The following BCAS3 variants were observed in gnomAD, a reference collection of about 807,000 sequenced individuals.
The protein encoded by BCAS3 is BCAS4/BCAS3 fusion.
A neutral mutation model predicts 116.1 loss-of-function variants in BCAS3; 53 were observed. The observed-to-expected ratio is 0.46, with a 90% CI of 0.37 to 0.57. The LOEUF (loss-of-function observed/expected upper bound fraction) is 0.57. Ranked by LOEUF, BCAS3 falls within the 20% of genes least tolerant of loss-of-function variation. The pLI, the probability that BCAS3 is intolerant of heterozygous loss-of-function variation, is 0.00. For missense variants in BCAS3, 917 were observed against 1,165.4 expected (o/e 0.79, Z 3.10); for synonymous variants, 391 against 408.2 (o/e 0.96, Z 0.51).
At chr17:61,137,483 CTG>C (rs2076705022) in intron 22 of BCAS3, among the ~76,000 whole-genome samples, 1 of 152,204 alleles carries the variant, frequency 6.6e-6, no homozygotes, top group African/African-American at 2.4e-5. Flanking sequence ...ATGCTAAAAA[CTG>C]GGGCCAGGCG....
chr17:61,079,831 A>G (rs1018445477), intron 21 of BCAS3, among the ~76,000 whole-genome samples: 24 of 147,302 alleles, frequency 1.6e-4, no homozygotes, highest in Non-Finnish European at 1.0e-4. Flanking sequence ...CCTTACCTCA[A>G]GTGATCCTCC....
chr17:60,983,144 G>T (rs943970099), intron 14 of BCAS3, among the ~76,000 whole-genome samples: 3 of 152,086 alleles, frequency 2.0e-5, no homozygotes, highest in African/African-American at 7.2e-5. Context: ...TCTGTACATG[G>T]TAAATGTTAT....
At chr17:60,761,199 C>A (rs1244549242) in intron 6 of BCAS3, among the ~76,000 whole-genome samples, 1 of 151,678 alleles carries the variant, frequency 6.6e-6, no homozygotes, top group East Asian at 1.9e-4. Flanking sequence ...TGAATTATTT[C>A]TCTGGGATTT....
rs1441951651 is a variant in BCAS3 at position 60,974,988 on chromosome 17, TTTGCTTTTTTG to T, written c.1222-14980_1222-14970del. Among the ~76,000 whole-genome samples, 514 of 138,396 alleles carry T rather than the reference TTTGCTTTTTTG, an allele frequency of 3.7e-3. 20 individuals are homozygous for T. The highest frequency in any genetic ancestry group is 0.017 in the African/African-American group (497 of 28,444). The allele number at this position is 138,396 out of a possible 152,430, so 90.8% of individuals were successfully genotyped here. On this transcript the variant is annotated intron_variant, in intron 14 of 23. Transcript: ENST00000407086. ...CAAGCCATTTGTTTTTTTTGTTTTT[TTTGCTTTTTTG>T]TTTTTTTTTTTTTGAGACGGAGTCT...
intron 12 of BCAS3, 55 bp from the exon 13 acceptor site, chr17:60,924,352 C>G (rs1444150738): frequency 6.7e-7 from 1 of 1,495,460 alleles, no homozygotes; most frequent in African/African-American, 1.4e-5. Context: ...AGGCTTCAAG[C>G]TCGGTTATCA....
At chr17:61,058,754 G>C (rs556360837) in intron 19 of BCAS3, among the ~76,000 whole-genome samples, 4 of 152,234 alleles carry the variant, frequency 2.6e-5, no homozygotes, top group Non-Finnish European at 5.9e-5. Flanking sequence ...ATACATAACT[G>C]TTTATTATGA....
chr17:60,881,746 T>C lies in BCAS3; in HGVS notation c.661+7008T>C, dbSNP rs1209205715. On this transcript the variant is annotated intron_variant, in intron 9 of 23. Transcript: ENST00000407086. ...GAGAATGATGATTTCCAATTTCATC[T>C]ATGTCCCTACAAAGGACATGAACTC... Among the ~76,000 whole-genome samples the C allele has an allele frequency of 7.9e-4, 120 of 151,160 alleles. 1 individual carries two copies. The highest frequency in any genetic ancestry group is 2.7e-3 in the African/African-American group (111 of 40,988).
rs1348401890 is a variant in BCAS3 at position 61,368,452 on chromosome 17, A to T, written c.2551A>T (p.Met851Leu). The change falls in exon 23 of 24, where the codon ATG becomes TTG. Residue 851 changes from methionine to leucine, a missense_variant. Coordinates refer to ENST00000407086, the MANE Select transcript of BCAS3 (RefSeq NM_017679.5). This position sits in a 1 kb window ranked among gnomAD's most constrained non-coding sequence, Gnocchi z 6.0. ...EGLRERLADA[M>L]AESPSRDVVG... ...CCTCCGGGAGCGACTTGCCGACGCC[A>T]TGGCCGAGTCACCTAGCCGGGACGT... 2 of 1,611,652 alleles carry T rather than the reference A, an allele frequency of 1.2e-6. No individual in the cohort carries two copies. Among genetic ancestry groups the T allele is most frequent in the Non-Finnish European group, 1.7e-6 (2 of 1,178,058 alleles).
intron 22 of BCAS3, among the ~76,000 whole-genome samples, chr17:61,246,472 A>G (rs978980624): frequency 1.6e-3 from 145 of 92,480 alleles, no homozygotes; most frequent in Non-Finnish European, 2.1e-3. Flanking sequence ...ACTGTCTCAG[A>G]AAAAAAAAAA....
At chr17:60,683,181 G>T (rs912315942) in intron 2 of BCAS3, among the ~76,000 whole-genome samples, 15 of 152,132 alleles carry the variant, frequency 9.9e-5, no homozygotes, top group Admixed American at 2.6e-4. Flanking sequence ...AATGTAGACT[G>T]ACCTGCTATA....
rs988190007 is a variant in BCAS3 at position 61,065,410 on chromosome 17, G to A, written c.2030-9510G>A. Among the ~76,000 whole-genome samples the A allele has an allele frequency of 6.6e-6, 1 of 152,058 alleles. No individual in the cohort carries two copies. The highest frequency in any genetic ancestry group is 1.5e-5 in the Non-Finnish European group (1 of 68,004). On this transcript the variant is annotated intron_variant, in intron 19 of 23. Coordinates refer to ENST00000407086, the MANE Select transcript of BCAS3 (RefSeq NM_017679.5). This position sits in a 1 kb window ranked among gnomAD's most constrained non-coding sequence, Gnocchi z 4.8. Reference sequence around the variant, plus strand: ...GTAAATAGCCCTTGCTTATTGTATGGCTGCTATATAAATGCTGTTTTTAAT... The same window carrying A: ...GTAAATAGCCCTTGCTTATTGTATGACTGCTATATAAATGCTGTTTTTAAT...
In BCAS3 at chr17:60,990,727, A is replaced by T. The variant is rs2145434810; in HGVS notation, c.1486+492A>T. 6.6e-6 allele frequency among the ~76,000 whole-genome samples: 1 copy of T among 151,914 alleles called. No individual in the cohort carries two copies. Among genetic ancestry groups the T allele is most frequent in the South Asian group, 2.1e-4 (1 of 4,800 alleles). On this transcript the variant is annotated intron_variant, in intron 15 of 23. Coordinates refer to ENST00000407086, the MANE Select transcript of BCAS3 (RefSeq NM_017679.5). This position sits in a 1 kb window ranked among gnomAD's most constrained non-coding sequence, Gnocchi z 5.1. ...AATGGCGTGATCTCGGCTGACTGCA[A>T]CCTCTACCTCCCAGGTTCAAGCAAT...
chr17:60,936,365 T>A (rs1599804834), intron 13 of BCAS3, among the ~76,000 whole-genome samples: 1 of 151,974 alleles, frequency 6.6e-6, no homozygotes, highest in East Asian at 1.9e-4. Flanking sequence ...ATCCTTTGGG[T>A]ATATACCTAG....
rs1255392610 is a variant in BCAS3, at chr17:61,313,997, T to G, written c.2426-54330T>G. Among the ~76,000 whole-genome samples the G allele has an allele frequency of 6.6e-6, 1 of 152,218 alleles. No individual in the cohort carries two copies. The highest frequency in any genetic ancestry group is 1.5e-5 in the Non-Finnish European group (1 of 68,038). On this transcript the variant is annotated intron_variant, in intron 22 of 23. Transcript: ENST00000407086. The surrounding 1 kb of genome is among the most constrained non-coding windows in gnomAD (Gnocchi z 4.3). ...TCCTCTTTTCCATTCAAAGAAAATC[T>G]TACTTGCCTTCTGCCCAACAATTTA...
chr17:61,052,782 G>A (rs1025513589), intron 19 of BCAS3, among the ~76,000 whole-genome samples: 1 of 145,086 alleles, frequency 6.9e-6, no homozygotes, highest in Non-Finnish European at 1.5e-5. Context: ...GTAGTGGCAC[G>A]CTCTTGGCTC....
intron 5 of BCAS3, among the ~76,000 whole-genome samples, chr17:60,725,554 G>A (rs1007377775): frequency 2.0e-5 from 3 of 152,182 alleles, no homozygotes; most frequent in Admixed American, 1.3e-4. Flanking sequence ...CTGTGTCAGT[G>A]GTTCCCGACC....
At chr17:60,974,993 TTTTTTG>T (rs1300790758) in intron 14 of BCAS3, among the ~76,000 whole-genome samples, 11 of 138,226 alleles carry the variant, frequency 8.0e-5, no homozygotes, top group African/African-American at 3.8e-4. Context: ...TTTTTTTTGC[TTTTTTG>T]TTTTTTTTTT....
intron 14 of BCAS3, among the ~76,000 whole-genome samples, chr17:60,972,444 CTTTT>C (rs150860541): frequency 4.7e-4 from 54 of 114,084 alleles, no homozygotes; most frequent in African/African-American, 1.9e-3. Flanking sequence ...CTCACTTGGC[CTTTT>C]TTTTTTTTTT....
chr17:61,079,965 C>T (rs1396685327), intron 21 of BCAS3, among the ~76,000 whole-genome samples: 1 of 136,968 alleles, frequency 7.3e-6, no homozygotes, highest in Non-Finnish European at 1.5e-5. Context: ...GATCTCAGTT[C>T]ACTGCAACAT....
Sources: allele counts gnomAD v4.1 joint callset (sites outside exome capture counted in the v4.1 genomes callset), GRCh38; gene constraint gnomAD v4.1.1; non-coding constraint Gnocchi (gnomAD v3.1); transcripts MANE v1.5; gene names NCBI Gene and HGNC (gene_info 2026-07-23, HGNC 2026-07-21).